Variants in RGMA observed in about 807,000 individuals in gnomAD.
RGMA encodes the protein repulsive guidance molecule A.
Under a neutral mutation model 23.2 loss-of-function variants are expected in RGMA, and 10 were observed. That is an observed-to-expected ratio of 0.43 (90% CI 0.27 to 0.73). The LOEUF is 0.73. Ranked by LOEUF, RGMA falls within the 30% of genes least tolerant of loss-of-function variation. The pLI is 0.20. For missense variants in RGMA, 547 were observed against 630.5 expected, an observed-to-expected ratio of 0.87 and a Z score of 1.42; for synonymous variants, 308 against 279.3, an observed-to-expected ratio of 1.10 and a Z score of -1.03.
At chr15:93,046,129 G>A (rs2054821197) in intron 3 of RGMA, among the ~76,000 whole-genome samples, 1 of 152,166 alleles carries the variant, frequency 6.6e-6, no homozygotes. Context: ...AAGGGACCCT[G>A]CAGATATGAT....
At chr15:93,054,962 G>A (rs549896691) in intron 2 of RGMA, among the ~76,000 whole-genome samples, 1 of 152,202 alleles carries the variant, frequency 6.6e-6, no homozygotes, top group Admixed American at 6.5e-5. Flanking sequence ...CAGGAGGTGA[G>A]TGTGGTGGGG....
intron 1 of RGMA, among the ~76,000 whole-genome samples, chr15:93,088,081 A>G (rs1895669633): frequency 6.6e-6 from 1 of 152,206 alleles, no homozygotes; most frequent in Non-Finnish European, 1.5e-5. Flanking sequence ...AATAAATACA[A>G]CCCAACACCT....
intron 1 of RGMA, chr15:93,074,108 G>A: frequency 1.1e-6 from 1 of 930,178 alleles, no homozygotes; most frequent in South Asian, 3.3e-5. Context: ...CTTCCCCTGA[G>A]AGACATCTTT....
At position 93,078,450 on chromosome 15, in the gene RGMA, A is replaced by G. The variant is rs142639337; in HGVS notation, c.15-5419T>C. On this transcript the variant is annotated intron_variant, in intron 1 of 3. Coordinates refer to ENST00000329082, the MANE Select transcript of RGMA (RefSeq NM_020211.3). ...ACTGAGTTGCTTCAATTTACAACTC[A>G]GAGTGTGAGAACGGATCCTTATTTT... Among the ~76,000 whole-genome samples, 769 of 152,352 alleles carry G rather than the reference A, an allele frequency of 5.0e-3. 2 individuals carry two copies. The highest frequency in any genetic ancestry group is 0.018 in the African/African-American group (744 of 41,582).
In RGMA at chr15:93,088,917, A is replaced by G; in HGVS notation, c.14+2T>C. Reference sequence around the variant, plus strand: ...TCTGCCCGGCTCCCGACCCGCGCTTACCTTGGCGGCTGCATGAGCCCCTGC... The same window carrying G: ...TCTGCCCGGCTCCCGACCCGCGCTTGCCTTGGCGGCTGCATGAGCCCCTGC... On this transcript the variant is annotated splice_donor_variant, in intron 1 of 3. Coordinates refer to ENST00000329082, the MANE Select transcript of RGMA (RefSeq NM_020211.3). LOFTEE classifies it high-confidence loss of function. 8.2e-6 allele frequency: 12 copies of G among 1,465,842 alleles called. No homozygotes were observed. Among genetic ancestry groups the G allele is most frequent in the Non-Finnish European group, 1.1e-5 (12 of 1,118,488 alleles). The allele number at this position is 1,465,842 out of a possible 1,614,324, so 90.8% of individuals were successfully genotyped here.
intron 1 of RGMA, chr15:93,074,140 T>G (rs1382147919): frequency 1.6e-6 from 1 of 613,882 alleles, no homozygotes; most frequent in African/African-American, 1.9e-5. Flanking sequence ...CAAATAGTCC[T>G]GAGCAAGTGT....
chr15:93,073,523 C>G, intron 1 of RGMA: 1 of 1,433,492 alleles, frequency 7.0e-7, no homozygotes, highest in Admixed American at 2.1e-5. Context: ...ATATCCAATC[C>G]AAGTAGAAAA....
At chr15:93,053,144 T>C (rs1435274313) in intron 2 of RGMA, among the ~76,000 whole-genome samples, 1 of 152,202 alleles carries the variant, frequency 6.6e-6, no homozygotes, top group Admixed American at 6.5e-5. Context: ...ATGCTGACCA[T>C]AGCCCCATCC....
chr15:93,045,530 G>A lies in RGMA; in HGVS notation c.821C>T (p.Ala274Val). The A allele has an allele frequency of 6.2e-6, 10 of 1,613,256 alleles. No homozygotes were observed. Among genetic ancestry groups the A allele is most frequent in the Non-Finnish European group, 8.5e-6 (10 of 1,179,858 alleles). ...CACGATGGTGGTGCCGATGTACTTGGCCTGGATCTCCACGTGCTGGCCTGA... is the reference window on the plus strand; with the variant it reads ...CACGATGGTGGTGCCGATGTACTTGACCTGGATCTCCACGTGCTGGCCTGA... Reference protein sequence around the residue: ...KVSGQHVEIQAKYIGTTIVVR... With the variant: ...KVSGQHVEIQVKYIGTTIVVR... The change falls in exon 4 of 4, where the codon GCC becomes GTC. Residue 274 changes from alanine to valine, a missense_variant. By Grantham distance (64) the Ala-to-Val change is moderately conservative. This residue lies in a region of RGMA where 128 missense variants were observed against 191.7 expected (regional missense o/e 0.67). Transcript: ENST00000329082. The surrounding 1 kb of genome is among the most constrained non-coding windows in gnomAD (Gnocchi z 6.9).
chr15:93,050,301 CA>C (rs2054896643), intron 3 of RGMA, among the ~76,000 whole-genome samples: 1 of 152,336 alleles, frequency 6.6e-6, no homozygotes, highest in South Asian at 2.1e-4. Context: ...GGAGGCCTGA[CA>C]GACAGGCGGG....
intron 2 of RGMA, among the ~76,000 whole-genome samples, chr15:93,069,688 C>A (rs1311325228): frequency 1.3e-5 from 2 of 152,232 alleles, no homozygotes; most frequent in East Asian, 3.8e-4. Flanking sequence ...AGGGCCCCAG[C>A]TCCAGAGTAA....
intron 1 of RGMA, chr15:93,074,047 T>A: frequency 7.4e-7 from 1 of 1,353,708 alleles, no homozygotes; most frequent in Non-Finnish European, 9.5e-7. Flanking sequence ...TTCCCAAGGT[T>A]CCCTGGGCCC....
chr15:93,074,863 C>A (rs1895444916), intron 1 of RGMA, among the ~76,000 whole-genome samples: 1 of 152,216 alleles, frequency 6.6e-6, no homozygotes, highest in Non-Finnish European at 1.5e-5. Context: ...TAATTAACAC[C>A]ATTTGCTAGA....
Position 93,038,384 on chromosome 15 carries a change from T to A in RGMA, c.*6614A>T, listed in dbSNP as rs1289209566. 1.3e-5 allele frequency: 2 copies of A among 152,150 alleles called. No homozygotes were observed. The highest frequency in any genetic ancestry group is 1.3e-4 in the Admixed American group (2 of 15,274). The allele number at this position is 152,150 out of a possible 1,614,324, so 9.4% of individuals were successfully genotyped here. On this transcript the variant is annotated 3_prime_UTR_variant, in exon 4 of 4. Coordinates refer to ENST00000329082, the MANE Select transcript of RGMA (RefSeq NM_020211.3). ...GAGATTTGCACACAGGAAAGTGCAG[T>A]CCCTGCCCTTGTGTGTCTTGTCTGC...
rs899203230 is a variant in RGMA at position 93,045,757 on chromosome 15, A to G, written c.646-52T>C. 2 of 1,294,052 alleles carry G rather than the reference A, an allele frequency of 1.5e-6. No homozygotes were observed. Among genetic ancestry groups the G allele is most frequent in the Non-Finnish European group, 2.2e-6 (2 of 908,020 alleles). 80.2% of individuals were successfully genotyped at this position (1,294,052 alleles called of 1,614,324 possible). On this transcript the variant is annotated intron_variant, in intron 3 of 3. Coordinates refer to ENST00000329082, the MANE Select transcript of RGMA (RefSeq NM_020211.3). The surrounding 1 kb of genome is among the most constrained non-coding windows in gnomAD (Gnocchi z 6.9). ...TGGGTGAGGCACAGTGGGAGGAGGCACAGCCCCACACTTAAGATGCTCTAG... is the reference window on the plus strand; with the variant it reads ...TGGGTGAGGCACAGTGGGAGGAGGCGCAGCCCCACACTTAAGATGCTCTAG...
At chr15:93,054,981 G>A (rs749826640) in intron 2 of RGMA, among the ~76,000 whole-genome samples, 2 of 152,134 alleles carry the variant, frequency 1.3e-5, no homozygotes, top group Non-Finnish European at 2.9e-5. Context: ...GGGCGTGTAT[G>A]GGGAGGGAGT....
chr15:93,071,954 G>T (rs1895340598), intron 2 of RGMA, among the ~76,000 whole-genome samples: 2 of 152,184 alleles, frequency 1.3e-5, no homozygotes, highest in African/African-American at 2.4e-5. Flanking sequence ...CCGTGACATT[G>T]TGTTTATTTG....
intron 2 of RGMA, among the ~76,000 whole-genome samples, chr15:93,059,106 T>TGGAA (rs2055061353): frequency 6.6e-6 from 1 of 151,994 alleles, no homozygotes; most frequent in African/African-American, 2.4e-5. Context: ...GTCACACAAG[T>TGGAA]GGAAGGGCTG....
At chr15:93,072,618 T>G (rs904502953) in intron 2 of RGMA, among the ~76,000 whole-genome samples, 1 of 152,094 alleles carries the variant, frequency 6.6e-6, no homozygotes, top group African/African-American at 2.4e-5. Flanking sequence ...AGGAGGCACG[T>G]TCCCAGCCAC....
Sources: gnomAD v4.1 joint callset for allele counts (sites outside exome capture counted in the v4.1 genomes callset) on GRCh38, gnomAD v4.1.1 for gene constraint, gnomAD v4.1.1 regional missense constraint, Gnocchi (gnomAD v3.1) non-coding constraint, MANE v1.5 for transcripts, NCBI Gene and HGNC (gene_info 2026-07-23, HGNC 2026-07-21) for gene names.